The following CHRM3 variants were observed in gnomAD, a reference collection of about 807,000 sequenced individuals.
The protein encoded by CHRM3 is cholinergic receptor muscarinic 3, also known as muscarinic acetylcholine receptor M3.
A neutral mutation model predicts 41.8 loss-of-function variants in CHRM3; 11 were observed. The ratio of observed to expected loss-of-function variants is 0.26; its 90% CI spans 0.17 to 0.44. The LOEUF (loss-of-function observed/expected upper bound fraction) is 0.44, where lower values mean the gene tolerates loss of function less well. Among genes scored for constraint, CHRM3 ranks in the 20% least tolerant of loss-of-function variants. The pLI, the probability that CHRM3 is intolerant of heterozygous loss-of-function variation, is 1.00. For synonymous variants in CHRM3, 297 were observed against 301.4 expected (o/e 0.99, Z 0.15); for missense variants, 571 against 745.4 (o/e 0.77, Z 2.72).
At position 239,386,707 on chromosome 1, in the gene CHRM3, C is replaced by G. The variant is rs1162986546; in HGVS notation, c.-1041C>G. 1 of 152,352 alleles carries G rather than the reference C, an allele frequency of 6.6e-6. No individual in the cohort carries two copies. Among genetic ancestry groups the G allele is most frequent in the African/African-American group, 2.4e-5 (1 of 41,432 alleles). 9.4% of individuals were successfully genotyped at this position (152,352 alleles called of 1,614,324 possible). A position where few individuals can be genotyped will look rare whatever the true frequency, so the allele number is the denominator to read the frequency against. On this transcript the variant is annotated 5_prime_UTR_variant, in exon 1 of 7. Transcript: ENST00000676153. Reference sequence around the variant, plus strand: ...GTGGGGAGGAAAAGACCTCTCCTCCCCCTTGGAGCGCCTTCTCTCTGCTTT... The same window carrying G: ...GTGGGGAGGAAAAGACCTCTCCTCCGCCTTGGAGCGCCTTCTCTCTGCTTT...
At chr1:239,469,044 G>T (rs1270149409) in intron 1 of CHRM3, among the ~76,000 whole-genome samples, 2 of 152,144 alleles carry the variant, frequency 1.3e-5, no homozygotes, top group African/African-American at 4.8e-5. Flanking sequence ...TAAAAGGCAA[G>T]TGAAGAAGAA....
intron 1 of CHRM3, among the ~76,000 whole-genome samples, chr1:239,418,452 A>C (rs1343129868): frequency 6.6e-6 from 1 of 152,154 alleles, no homozygotes; most frequent in Non-Finnish European, 1.5e-5. Context: ...AGGGACCAAC[A>C]TCTGTGTATG....
At chr1:239,666,817 T>A (rs1453751960) in intron 4 of CHRM3, among the ~76,000 whole-genome samples, 1 of 152,166 alleles carries the variant, frequency 6.6e-6, no homozygotes, top group African/African-American at 2.4e-5. Flanking sequence ...TTCTCAACAT[T>A]TCCCCCTCCT....
chr1:239,873,676 T>C (rs2149332348), intron 6 of CHRM3, among the ~76,000 whole-genome samples: 1 of 152,300 alleles, frequency 6.6e-6, no homozygotes, highest in Admixed American at 6.5e-5. Context: ...TATTTTCAGG[T>C]GACAGTCAAA....
chr1:239,645,733 A>G lies in CHRM3; in HGVS notation c.-250+13447A>G, dbSNP rs550456302. 7.9e-5 allele frequency among the ~76,000 whole-genome samples: 12 copies of G among 152,240 alleles called. No homozygotes were observed. In the South Asian group the frequency reaches 1.7e-3, roughly 21 times the overall value. On this transcript the variant is annotated intron_variant, in intron 4 of 6. Coordinates refer to ENST00000676153, the MANE Select transcript of CHRM3 (RefSeq NM_001375978.1). ...AATATGGACATCAAAAATAAACTAA[A>G]TCTAATGGAATGACTACAAAAAAAT...
In CHRM3 at chr1:239,531,711, G is replaced by A. The variant is rs1445321312; in HGVS notation, c.-421-13930G>A. Reference sequence around the variant, plus strand: ...GTCTCGCTCTGTCGCCCAGGCTGGAGTGCAGTGGCTTGATCTTGGCTCACT... The same window carrying A: ...GTCTCGCTCTGTCGCCCAGGCTGGAATGCAGTGGCTTGATCTTGGCTCACT... On this transcript the variant is annotated intron_variant, in intron 2 of 6. Transcript: ENST00000676153. 2.2e-5 allele frequency among the ~76,000 whole-genome samples: 3 copies of A among 134,412 alleles called. No individual in the cohort carries two copies. In the Admixed American group the frequency reaches 2.5e-4, roughly 11 times the overall value. The allele number at this position is 134,412 out of a possible 152,430, so 88.2% of individuals were successfully genotyped here. A position where few individuals can be genotyped will look rare whatever the true frequency, so the allele number is the denominator to read the frequency against.
At chr1:239,485,077 A>T (rs1219093507) in intron 1 of CHRM3, among the ~76,000 whole-genome samples, 3 of 152,170 alleles carry the variant, frequency 2.0e-5, no homozygotes, top group Non-Finnish European at 4.4e-5. Flanking sequence ...CTTATTTATT[A>T]TGAACTTGAT....
At chr1:239,603,293 G>T (rs992966810) in intron 3 of CHRM3, among the ~76,000 whole-genome samples, 1 of 152,020 alleles carries the variant, frequency 6.6e-6, no homozygotes, top group Non-Finnish European at 1.5e-5. Context: ...TGAGAACATA[G>T]ACAAGTTAGC....
chr1:239,700,207 C>T (rs1176396327), intron 5 of CHRM3, among the ~76,000 whole-genome samples: 3 of 152,120 alleles, frequency 2.0e-5, no homozygotes, highest in African/African-American at 7.2e-5. Context: ...TCCGCCATTC[C>T]TGAGAACTGG....
chr1:239,586,239 GT>G (rs1663386208), intron 3 of CHRM3, among the ~76,000 whole-genome samples: 1 of 151,964 alleles, frequency 6.6e-6, no homozygotes, highest in South Asian at 2.1e-4. Flanking sequence ...GGTGTTTTTT[GT>G]TTTTTGTTTA....
chr1:239,565,099 C>T (rs1661228273), intron 3 of CHRM3, among the ~76,000 whole-genome samples: 1 of 152,176 alleles, frequency 6.6e-6, no homozygotes, highest in African/African-American at 2.4e-5. Context: ...GGGGCGGGGT[C>T]AGATCTCCCT....
chr1:239,419,362 C>CTTT (rs55633677), intron 1 of CHRM3, among the ~76,000 whole-genome samples: 5 of 136,586 alleles, frequency 3.7e-5, no homozygotes, highest in African/African-American at 8.0e-5. Context: ...CCGACCCAGC[C>CTTT]TTTTTTTTTT....
chr1:239,764,357 C>T (rs1667036343), intron 5 of CHRM3, among the ~76,000 whole-genome samples: 1 of 152,144 alleles, frequency 6.6e-6, no homozygotes, highest in South Asian at 2.1e-4. Context: ...AGGGTCTTCT[C>T]TTCCATCAGA....
chr1:239,413,456 A>AT (rs1398725995), intron 1 of CHRM3, among the ~76,000 whole-genome samples: 1 of 151,828 alleles, frequency 6.6e-6, no homozygotes, highest in African/African-American at 2.4e-5. Context: ...CACCCGGCTA[A>AT]TTTTGTATTT....
chr1:239,535,218 C>T lies in CHRM3; in HGVS notation c.-421-10423C>T, dbSNP rs75909714. On this transcript the variant is annotated intron_variant, in intron 2 of 6. Transcript: ENST00000676153. Reference sequence around the variant, plus strand: ...GGGATTCACCAGGGTACCAATCAACCGTGCCAGTGGCCCACACTGGCCCAG... The same window carrying T: ...GGGATTCACCAGGGTACCAATCAACTGTGCCAGTGGCCCACACTGGCCCAG... 3.4e-3 allele frequency among the ~76,000 whole-genome samples: 514 copies of T among 152,214 alleles called. 2 individuals carry two copies. Among genetic ancestry groups the T allele is most frequent in the African/African-American group, 0.012 (503 of 41,550 alleles).
intron 3 of CHRM3, among the ~76,000 whole-genome samples, chr1:239,618,919 A>T (rs1668043817): frequency 7.0e-6 from 1 of 143,542 alleles, no homozygotes; most frequent in Non-Finnish European, 1.5e-5. Context: ...TTATTTATTT[A>T]TTTATTTATT....
chr1:239,644,345 G>A (rs987980824), intron 4 of CHRM3, among the ~76,000 whole-genome samples: 15 of 143,498 alleles, frequency 1.0e-4, no homozygotes, highest in African/African-American at 2.8e-4. Context: ...CCACCCACCC[G>A]TCTTCCCACC....
At chr1:239,742,944 AG>A (rs1244081923) in intron 5 of CHRM3, among the ~76,000 whole-genome samples, 1 of 152,164 alleles carries the variant, frequency 6.6e-6, no homozygotes, top group Non-Finnish European at 1.5e-5. Flanking sequence ...TACTGAAGAT[AG>A]GTCTTTTTGG....
intron 1 of CHRM3, among the ~76,000 whole-genome samples, chr1:239,404,159 G>T (rs1366841208): frequency 1.3e-5 from 2 of 150,968 alleles, no homozygotes; most frequent in Admixed American, 1.3e-4. Context: ...CGTGGTGGTG[G>T]GCACCTGTAG....
Sources: allele counts gnomAD v4.1 joint callset (sites outside exome capture counted in the v4.1 genomes callset), GRCh38; gene constraint gnomAD v4.1.1; transcripts MANE v1.5; gene names NCBI Gene and HGNC (gene_info 2026-07-23, HGNC 2026-07-21).